The following DNER variants were observed in gnomAD, a reference collection of about 807,000 sequenced individuals.
DNER encodes delta and Notch-like epidermal growth factor-related receptor.
Under a neutral mutation model 78.2 loss-of-function variants are expected in DNER, and 33 were observed. The ratio of observed to expected loss-of-function variants is 0.42; its 90% CI spans 0.32 to 0.56. The LOEUF is 0.56. DNER is among the 20% of genes least tolerant of loss of function. The probability of loss-of-function intolerance (pLI) is 0.11; values close to 1 mark genes in which losing one functional copy is unlikely to be tolerated. For missense variants in DNER, 918 were observed against 975.3 expected, an observed-to-expected ratio of 0.94 and a Z score of 0.78; for synonymous variants, 417 against 384.8, an observed-to-expected ratio of 1.08 and a Z score of -0.98.
intron 2 of DNER, among the ~76,000 whole-genome samples, chr2:229,590,654 C>T (rs956583571): frequency 2.0e-5 from 3 of 152,158 alleles, no homozygotes; most frequent in African/African-American, 7.2e-5. Context: ...AGCTCCATAG[C>T]GCCTTCTACC....
intron 1 of DNER, among the ~76,000 whole-genome samples, chr2:229,680,802 C>A (rs2154217111): frequency 6.6e-6 from 1 of 152,314 alleles, no homozygotes; most frequent in African/African-American, 2.4e-5. Flanking sequence ...TCTCTTTCAA[C>A]AAGTATCTAA....
intron 1 of DNER, among the ~76,000 whole-genome samples, chr2:229,648,809 T>C (rs375768160): frequency 1.3e-5 from 2 of 152,220 alleles, no homozygotes; most frequent in Non-Finnish European, 2.9e-5. Context: ...CTGATTCAAA[T>C]GCAAAAAGCT....
Position 229,431,517 on chromosome 2 carries a change from T to C in DNER, c.1487-13287A>G, listed in dbSNP as rs143029750. Reference sequence around the variant, plus strand: ...AATGTTTTAGCTATGTCTTATGACTTTTTTTTTTAATGTTGCTTTTGGCCA... The same window carrying C: ...AATGTTTTAGCTATGTCTTATGACTCTTTTTTTTAATGTTGCTTTTGGCCA... On this transcript the variant is annotated intron_variant, in intron 8 of 12. Coordinates refer to ENST00000341772, the MANE Select transcript of DNER (RefSeq NM_139072.4). Among the ~76,000 whole-genome samples, 68 of 150,136 alleles carry C rather than the reference T, an allele frequency of 4.5e-4. 1 individual carries two copies. The highest frequency in any genetic ancestry group is 1.4e-3 in the African/African-American group (59 of 40,932).
intron 8 of DNER, among the ~76,000 whole-genome samples, chr2:229,419,131 C>T (rs1280908290): frequency 6.6e-6 from 1 of 151,906 alleles, no homozygotes; most frequent in Non-Finnish European, 1.5e-5. Context: ...GTTTAAATTA[C>T]TAAAGAAATA....
At chr2:229,488,660 TC>T (rs1262993186) in intron 6 of DNER, among the ~76,000 whole-genome samples, 8 of 152,218 alleles carry the variant, frequency 5.3e-5, no homozygotes, top group African/African-American at 1.4e-4. Flanking sequence ...GTTCCTTCTT[TC>T]CTTTTGATGA....
intron 8 of DNER, among the ~76,000 whole-genome samples, chr2:229,443,951 C>T (rs952363651): frequency 9.9e-5 from 15 of 152,200 alleles, no homozygotes; most frequent in African/African-American, 3.1e-4. Context: ...GAAACATCCC[C>T]TCTGAAGGCA....
At chr2:229,665,311 G>A (rs1699070373) in intron 1 of DNER, among the ~76,000 whole-genome samples, 2 of 152,098 alleles carry the variant, frequency 1.3e-5, no homozygotes, top group South Asian at 2.1e-4. Flanking sequence ...AGTGCCAAGG[G>A]ATTCCAAGAA....
At chr2:229,667,195 A>G (rs1254541665) in intron 1 of DNER, among the ~76,000 whole-genome samples, 2 of 152,158 alleles carry the variant, frequency 1.3e-5, no homozygotes, top group Non-Finnish European at 2.9e-5. Flanking sequence ...CCTGTCTGAT[A>G]TTTCTTTTCA....
intron 8 of DNER, among the ~76,000 whole-genome samples, chr2:229,435,127 A>G (rs943173947): frequency 2.6e-5 from 4 of 152,186 alleles, no homozygotes; most frequent in Admixed American, 2.6e-4. Context: ...CAAACAACAG[A>G]AGAAGCAGCT....
intron 7 of DNER, among the ~76,000 whole-genome samples, chr2:229,455,321 C>A (rs1694546885): frequency 6.6e-6 from 1 of 152,104 alleles, no homozygotes; most frequent in Non-Finnish European, 1.5e-5. Context: ...AATTTTCTTA[C>A]CTACAAAATG....
chr2:229,602,242 A>T (rs1286772646), intron 1 of DNER, among the ~76,000 whole-genome samples: 1 of 152,192 alleles, frequency 6.6e-6, no homozygotes, highest in Non-Finnish European at 1.5e-5. Context: ...AGATTGTATG[A>T]TCATCTCAAC....
chr2:229,377,893 A>G, intron 11 of DNER, among the ~76,000 whole-genome samples: 1 of 152,196 alleles, frequency 6.6e-6, no homozygotes, highest in East Asian at 1.9e-4. Context: ...TCAATACATT[A>G]TATGGCAAAA....
At chr2:229,463,716 A>C (rs1694747872) in intron 7 of DNER, among the ~76,000 whole-genome samples, 1 of 152,236 alleles carries the variant, frequency 6.6e-6, no homozygotes, top group Non-Finnish European at 1.5e-5. Flanking sequence ...CTGAGATCAC[A>C]GGCATTGAGC....
At chr2:229,518,672 C>T (rs915751488) in intron 5 of DNER, among the ~76,000 whole-genome samples, 16 of 152,188 alleles carry the variant, frequency 1.1e-4, no homozygotes, top group African/African-American at 3.9e-4. Flanking sequence ...GAATCTTGGA[C>T]CGTATTCTCT....
intron 4 of DNER, among the ~76,000 whole-genome samples, chr2:229,564,598 C>T (rs897489346): frequency 4.0e-5 from 6 of 151,042 alleles, no homozygotes; most frequent in Non-Finnish European, 8.8e-5. Context: ...CCATCATCAT[C>T]ATCATCCTCA....
intron 1 of DNER, among the ~76,000 whole-genome samples, chr2:229,651,324 C>T (rs1037529054): frequency 6.6e-6 from 1 of 152,190 alleles, no homozygotes; most frequent in Non-Finnish European, 1.5e-5. Context: ...CATAAACACA[C>T]TTATAGATGA....
At position 229,690,677 on chromosome 2, in the gene DNER, A is replaced by G. The variant is rs573389198; in HGVS notation, c.276+23471T>C. On this transcript the variant is annotated intron_variant, in intron 1 of 12. Coordinates refer to ENST00000341772, the MANE Select transcript of DNER (RefSeq NM_139072.4). ...AGTTCAAGGGCTTATATCTGTGGGA[A>G]AAAAAAATCTCTGCCCTTGTGGAGA... 1.1e-4 allele frequency among the ~76,000 whole-genome samples: 16 copies of G among 152,244 alleles called. No individual in the cohort carries two copies. In the South Asian group the frequency reaches 3.3e-3, roughly 32 times the overall value.
At chr2:229,547,631 C>T (rs1485863134) in intron 4 of DNER, among the ~76,000 whole-genome samples, 1 of 152,220 alleles carries the variant, frequency 6.6e-6, no homozygotes, top group Admixed American at 6.5e-5. Context: ...GGTACAAATT[C>T]TCTGTTGGGT....
rs1164629335 is a variant in DNER at position 229,512,933 on chromosome 2, T to C, written c.997A>G (p.Thr333Ala). 2 of 1,613,704 alleles carry C rather than the reference T, an allele frequency of 1.2e-6. No individual in the cohort carries two copies. ...GKCTTKPSEA[T>A]FSCTCEEQYV... Reference sequence around the variant, plus strand: ...TGCTCCTCACAGGTACAGGAAAAAGTTGCCTAAAACACAAAAAAAGCACAG... The same window carrying C: ...TGCTCCTCACAGGTACAGGAAAAAGCTGCCTAAAACACAAAAAAAGCACAG... Residue 333 changes from threonine to alanine, a missense_variant, in exon 6 of 13, where the codon ACT becomes GCT. Thr to Ala is a moderately conservative substitution (Grantham distance 58, BLOSUM62 0). Transcript: ENST00000341772.
Sources: allele counts gnomAD v4.1 joint callset (sites outside exome capture counted in the v4.1 genomes callset), GRCh38; gene constraint gnomAD v4.1.1; transcripts MANE v1.5; gene names NCBI Gene and HGNC (gene_info 2026-07-23, HGNC 2026-07-21).